The following DAW1 variants were observed in gnomAD, a reference collection of about 807,000 sequenced individuals.
DAW1 encodes dynein assembly factor with WD repeats 1.
In DAW1, 47 loss-of-function variants were observed where a neutral mutation model predicts 56.5. That is an observed-to-expected ratio of 0.83 (90% CI 0.66 to 1.06). The LOEUF (loss-of-function observed/expected upper bound fraction) is 1.06, where lower values mean the gene tolerates loss of function less well. Among genes scored for constraint, DAW1 ranks in the 50% least tolerant of loss-of-function variants. The pLI is 0.00. For missense variants in DAW1, 505 were observed against 499.3 expected, an observed-to-expected ratio of 1.01 and a Z score of -0.11; for synonymous variants, 190 against 179.0, an observed-to-expected ratio of 1.06 and a Z score of -0.49.
At chr2:227,896,474 A>T (rs1455244649) in intron 5 of DAW1, among the ~76,000 whole-genome samples, 1 of 152,144 alleles carries the variant, frequency 6.6e-6, no homozygotes, top group Non-Finnish European at 1.5e-5. Context: ...CCACGTGTCC[A>T]ATCAGTTATC....
intron 8 of DAW1, among the ~76,000 whole-genome samples, chr2:227,905,565 A>G (rs1691658199): frequency 6.6e-6 from 1 of 152,238 alleles, no homozygotes; most frequent in South Asian, 2.1e-4. Flanking sequence ...AAGAAATGAT[A>G]GAGGAAGAAG....
intron 5 of DAW1, among the ~76,000 whole-genome samples, chr2:227,895,909 A>G (rs975427622): frequency 3.3e-5 from 5 of 152,236 alleles, no homozygotes; most frequent in Admixed American, 2.6e-4. Context: ...CAATACACTC[A>G]TGATACCATA....
At chr2:227,891,770 A>G (rs140747256) in intron 4 of DAW1, among the ~76,000 whole-genome samples, 1 of 152,246 alleles carries the variant, frequency 6.6e-6, no homozygotes, top group Admixed American at 6.5e-5. Context: ...ACCTACAGAC[A>G]TAAAATAAAC....
intron 11 of DAW1, among the ~76,000 whole-genome samples, chr2:227,920,311 C>T (rs1692074003): frequency 1.3e-5 from 2 of 152,134 alleles, no homozygotes; most frequent in East Asian, 3.9e-4. Context: ...AGAGAGTGTC[C>T]ACTGTGCTGG....
At chr2:227,875,568 G>A (rs1690860079) in intron 1 of DAW1, among the ~76,000 whole-genome samples, 1 of 152,094 alleles carries the variant, frequency 6.6e-6, no homozygotes, top group African/African-American at 2.4e-5. Flanking sequence ...TTTCTGCCTC[G>A]AATAATCTAC....
At chr2:227,902,787 C>T (rs1691576473) in intron 6 of DAW1, among the ~76,000 whole-genome samples, 1 of 152,064 alleles carries the variant, frequency 6.6e-6, no homozygotes. Context: ...CCCCTCCAAG[C>T]CTTAGCTGGG....
At chr2:227,876,450 T>G (rs1445049583) in intron 1 of DAW1, 3 of 1,303,122 alleles carry the variant, frequency 2.3e-6, no homozygotes, top group African/African-American at 3.0e-5. Context: ...CAGTCTTTGG[T>G]GAGCCAAATC....
At chr2:227,899,470 C>G (rs1394314377) in intron 6 of DAW1, among the ~76,000 whole-genome samples, 1 of 152,096 alleles carries the variant, frequency 6.6e-6, no homozygotes, top group Non-Finnish European at 1.5e-5. Context: ...AGAGAAAAGG[C>G]TAAAGCAGGA....
At chr2:227,884,415 G>T (rs1031832792) in intron 1 of DAW1, among the ~76,000 whole-genome samples, 34 of 152,148 alleles carry the variant, frequency 2.2e-4, no homozygotes, top group African/African-American at 7.0e-4. Flanking sequence ...TTATTACGGG[G>T]ATCCTTGATC....
intron 7 of DAW1, among the ~76,000 whole-genome samples, chr2:227,904,300 G>A (rs961797080): frequency 3.3e-5 from 5 of 151,958 alleles, no homozygotes; most frequent in African/African-American, 4.8e-5. Context: ...AAATAATGAA[G>A]GAATCAAGGG....
At chr2:227,918,148 C>CCATCCATCCATCCATCCATCCATCCAT (rs1559315146) in intron 10 of DAW1, among the ~76,000 whole-genome samples, 13 of 115,132 alleles carry the variant, frequency 1.1e-4, no homozygotes, top group African/African-American at 3.2e-4. Flanking sequence ...ATCCGTCCAT[C>CCATCCATCCATCCATCCATCCATCCAT]CATCCATCCA....
At chr2:227,875,184 C>T (rs1376910582) in intron 1 of DAW1, among the ~76,000 whole-genome samples, 2 of 152,158 alleles carry the variant, frequency 1.3e-5, no homozygotes, top group African/African-American at 4.8e-5. Flanking sequence ...CTCATCTCCA[C>T]ATCCACTAAC....
In DAW1 at chr2:227,887,074, G is replaced by C. The variant is rs1026667423; in HGVS notation, c.113+1651G>C. Among the ~76,000 whole-genome samples, 28 of 152,222 alleles carry C rather than the reference G, an allele frequency of 1.8e-4. 1 individual carries two copies. The highest frequency in any genetic ancestry group is 1.8e-3 in the Admixed American group (28 of 15,282). ...GGAGTTGCTGCCACTTGAGAGGTTT[G>C]ATGTTTCTGGGAGCACGTGTCTAGG... On this transcript the variant is annotated intron_variant, in intron 2 of 12. Coordinates refer to ENST00000309931, the MANE Select transcript of DAW1 (RefSeq NM_178821.3).
At chr2:227,871,864 C>T in intron 1 of DAW1, 135 bp downstream of exon 1, 5 of 1,045,020 alleles carry the variant, frequency 4.8e-6, no homozygotes, top group Admixed American at 2.3e-5. Flanking sequence ...GGGCACTTCC[C>T]AACCTGTGCC....
At chr2:227,913,600 T>G (rs1360586623) in intron 10 of DAW1, among the ~76,000 whole-genome samples, 1 of 152,206 alleles carries the variant, frequency 6.6e-6, no homozygotes, top group African/African-American at 2.4e-5. Context: ...CTATCCTATG[T>G]GCCATTTTAA....
intron 1 of DAW1, among the ~76,000 whole-genome samples, chr2:227,882,196 A>T (rs1269096713): frequency 6.6e-6 from 1 of 152,232 alleles, no homozygotes; most frequent in Non-Finnish European, 1.5e-5. Context: ...TGATTCTCAA[A>T]CTGTAGAGGA....
intron 6 of DAW1, among the ~76,000 whole-genome samples, chr2:227,898,806 C>T (rs1691471779): frequency 1.3e-5 from 2 of 152,038 alleles, no homozygotes; most frequent in Non-Finnish European, 2.9e-5. Context: ...GAACTGTATC[C>T]TACATTGACT....
intron 2 of DAW1, among the ~76,000 whole-genome samples, chr2:227,888,298 G>A (rs1691176490): frequency 1.3e-5 from 2 of 152,206 alleles, no homozygotes; most frequent in Non-Finnish European, 2.9e-5. Context: ...ATACTTATCA[G>A]GGGCCACATT....
intron 2 of DAW1, 153 bp from the exon 3 acceptor site, chr2:227,889,703 C>A: frequency 1.8e-6 from 1 of 562,432 alleles, no homozygotes; most frequent in Non-Finnish European, 2.9e-6. Flanking sequence ...ATCCTCCCCG[C>A]CCCACCCCCA....
Sources: gnomAD v4.1 joint callset for allele counts (sites outside exome capture counted in the v4.1 genomes callset) on GRCh38, gnomAD v4.1.1 for gene constraint, MANE v1.5 for transcripts, NCBI Gene and HGNC (gene_info 2026-07-23, HGNC 2026-07-21) for gene names.